The following THADA variants were observed in gnomAD, a reference collection of about 807,000 sequenced individuals.
The protein encoded by THADA is tRNA (32-2'-O)-methyltransferase regulator THADA.
Under a neutral mutation model 219.8 loss-of-function variants are expected in THADA, and 213 were observed. That is an observed-to-expected ratio of 0.97 (90% CI 0.87 to 1.09). The LOEUF (loss-of-function observed/expected upper bound fraction) is 1.09, where lower values mean the gene tolerates loss of function less well. Ranked by LOEUF, THADA falls within the 50% of genes least tolerant of loss-of-function variation. The probability of loss-of-function intolerance (pLI) is 0.00; values close to 1 mark genes in which losing one functional copy is unlikely to be tolerated. For synonymous variants in THADA, 1,018 were observed against 828.9 expected (o/e 1.23, Z -3.92); for missense variants, 2,956 against 2,311.3 (o/e 1.28, Z -5.72).
chr2:43,276,438 A>G (rs1672734499), intron 36 of THADA, among the ~76,000 whole-genome samples: 2 of 152,166 alleles, frequency 1.3e-5, no homozygotes, highest in African/African-American at 4.8e-5. Context: ...CCATGGCATT[A>G]TTTTCTCCAG....
intron 29 of THADA, among the ~76,000 whole-genome samples, chr2:43,353,568 T>A (rs1435587191): frequency 6.6e-6 from 1 of 152,256 alleles, no homozygotes; most frequent in African/African-American, 2.4e-5. Flanking sequence ...TTGTATGAGT[T>A]ACTCATAAAT....
chr2:43,476,756 G>T (rs1181362839), intron 26 of THADA, among the ~76,000 whole-genome samples: 1 of 152,160 alleles, frequency 6.6e-6, no homozygotes, highest in Non-Finnish European at 1.5e-5. Context: ...TCACAGTCAT[G>T]CAAGTTAGGT....
chr2:43,565,155 T>G (rs1047705570), intron 15 of THADA: 1 of 152,104 alleles, frequency 6.6e-6, no homozygotes, highest in Non-Finnish European at 1.5e-5. Context: ...ACTGATGAAT[T>G]GGCCAGGTGC....
At chr2:43,316,798 A>G (rs531410789) in intron 31 of THADA, among the ~76,000 whole-genome samples, 123 of 152,272 alleles carry the variant, frequency 8.1e-4, no homozygotes, top group African/African-American at 2.8e-3. Context: ...GTGGTGGCAC[A>G]TGCCTGTAAT....
At chr2:43,588,227 A>C (rs1013386741) in intron 4 of THADA, among the ~76,000 whole-genome samples, 1 of 152,012 alleles carries the variant, frequency 6.6e-6, no homozygotes, top group African/African-American at 2.4e-5. Flanking sequence ...AAAAAAGAAA[A>C]CTAAATTGAA....
At chr2:43,336,982 T>A (rs1666530049) in intron 30 of THADA, among the ~76,000 whole-genome samples, 1 of 152,216 alleles carries the variant, frequency 6.6e-6, no homozygotes, top group African/African-American at 2.4e-5. Flanking sequence ...TGGTGCCAGA[T>A]CTTCCAGTTT....
At position 43,560,376 on chromosome 2, in the gene THADA, T is replaced by C. The variant is rs779024965; in HGVS notation, c.2321A>G (p.Tyr774Cys). 1.3e-6 allele frequency: 2 copies of C among 1,548,270 alleles called. No individual in the cohort carries two copies. Among genetic ancestry groups the C allele is most frequent in the Non-Finnish European group, 1.7e-6 (2 of 1,149,736 alleles). Residue 774 changes from tyrosine to cysteine, a missense_variant, in exon 16 of 38, where the codon TAT becomes TGT. By Grantham distance (194) the Tyr-to-Cys change is radical. Transcript: ENST00000405975. ...EVFHVPEGRI[Y>C]TVYQLSHDID... Reference sequence around the variant, plus strand: ...ATCATGACTCAGCTGATATACTGTATAAATTCTGCCTAAAAATATTTTAAA... The same window carrying C: ...ATCATGACTCAGCTGATATACTGTACAAATTCTGCCTAAAAATATTTTAAA...
rs372742520 is a variant in THADA, at chr2:43,385,464, G to A, written c.4227+12507C>T. On this transcript the variant is annotated intron_variant, in intron 29 of 37. Coordinates refer to ENST00000405975, the MANE Select transcript of THADA (RefSeq NM_022065.5). ...TACTAAAAATACAAAAAAATTAGCCGGGTGTGGTGGCGGATGCCTGCAGTC... is the reference window on the plus strand; with the variant it reads ...TACTAAAAATACAAAAAAATTAGCCAGGTGTGGTGGCGGATGCCTGCAGTC... Among the ~76,000 whole-genome samples, 165 of 152,062 alleles carry A rather than the reference G, an allele frequency of 1.1e-3. 2 individuals carry two copies. Among genetic ancestry groups the A allele is most frequent in the African/African-American group, 3.7e-3 (154 of 41,506 alleles).
intron 35 of THADA, among the ~76,000 whole-genome samples, chr2:43,281,543 G>A (rs1362584515): frequency 6.7e-6 from 1 of 150,298 alleles, no homozygotes; most frequent in Non-Finnish European, 1.5e-5. Context: ...CCAGGTTCAA[G>A]TGATTCTCCT....
At chr2:43,408,367 TCTGAG>T (rs1558713755) in intron 28 of THADA, 1 of 152,088 alleles carries the variant, frequency 6.6e-6, no homozygotes, top group African/African-American at 2.4e-5. Context: ...TTAGGTTGCC[TCTGAG>T]CAAAGTATAG....
At position 43,458,738 on chromosome 2, in the gene THADA, C is replaced by CT. The variant is rs1301669434; in HGVS notation, c.3836+26495_3836+26496insA. Among the ~76,000 whole-genome samples the CT allele has an allele frequency of 9.2e-5, 14 of 152,204 alleles. No homozygotes were observed. In the East Asian group the frequency reaches 2.5e-3, roughly 27 times the overall value. ...AACAACAACAAAAAACCCCACAGTG[C>CT]AATGCCGTAAATTCTGCATAAAGCT... On this transcript the variant is annotated intron_variant, in intron 26 of 37. Coordinates refer to ENST00000405975, the MANE Select transcript of THADA (RefSeq NM_022065.5).
At chr2:43,565,565 C>G (rs1397019009) in intron 15 of THADA, 1 of 152,064 alleles carries the variant, frequency 6.6e-6, no homozygotes, top group Non-Finnish European at 1.5e-5. Context: ...CCAAATGAAG[C>G]AAGCCTCTTT....
At chr2:43,568,231 T>G (rs557631376) in intron 14 of THADA, among the ~76,000 whole-genome samples, 1 of 152,324 alleles carries the variant, frequency 6.6e-6, no homozygotes, top group Non-Finnish European at 1.5e-5. Context: ...ACATCTAATA[T>G]TTTATAAATT....
intron 28 of THADA, among the ~76,000 whole-genome samples, chr2:43,404,321 T>C (rs909859237): frequency 3.3e-5 from 5 of 151,940 alleles, no homozygotes; most frequent in African/African-American, 1.2e-4. Flanking sequence ...GCCTCCTGAA[T>C]AGCTGGGATT....
chr2:43,244,134 T>C (rs1668891972), intron 36 of THADA, among the ~76,000 whole-genome samples: 1 of 152,236 alleles, frequency 6.6e-6, no homozygotes, highest in Non-Finnish European at 1.5e-5. Context: ...AATAAAATTT[T>C]TCCCCTGATT....
intron 36 of THADA, among the ~76,000 whole-genome samples, chr2:43,258,534 T>A (rs1327634879): frequency 1.3e-5 from 2 of 152,080 alleles, no homozygotes; most frequent in Admixed American, 6.5e-5. Context: ...AAAAATAAAT[T>A]AATAAATAAA....
intron 20 of THADA, among the ~76,000 whole-genome samples, chr2:43,548,606 G>A (rs1046226841): frequency 6.6e-6 from 1 of 152,184 alleles, no homozygotes; most frequent in Non-Finnish European, 1.5e-5. Context: ...ATGCTGCCTT[G>A]CAGTTTGATC....
chr2:43,310,649 G>A (rs987289233), intron 31 of THADA, among the ~76,000 whole-genome samples: 4 of 152,150 alleles, frequency 2.6e-5, no homozygotes, highest in Admixed American at 2.0e-4. Context: ...AGGAAAACAT[G>A]GGTGCAAATC....
chr2:43,496,077 T>C (rs1358685179), intron 25 of THADA, among the ~76,000 whole-genome samples: 1 of 152,194 alleles, frequency 6.6e-6, no homozygotes, highest in Non-Finnish European at 1.5e-5. Context: ...AGGCTTATCA[T>C]ACAGGTAAGA....
Sources: gnomAD v4.1 joint callset for allele counts (sites outside exome capture counted in the v4.1 genomes callset) on GRCh38, gnomAD v4.1.1 for gene constraint, MANE v1.5 for transcripts, NCBI Gene and HGNC (gene_info 2026-07-23, HGNC 2026-07-21) for gene names.